The following EFCAB11 variants were observed in gnomAD, a reference collection of about 807,000 sequenced individuals.
The protein encoded by EFCAB11 is EF-hand calcium binding domain 11, also known as EF-hand calcium-binding domain-containing protein 11.
In EFCAB11, 14 loss-of-function variants were observed where a neutral mutation model predicts 23.0. The ratio of observed to expected loss-of-function variants is 0.61; its 90% confidence interval spans 0.40 to 0.95. The LOEUF (loss-of-function observed/expected upper bound fraction) is 0.95. EFCAB11 is among the 40% of genes least tolerant of loss of function. The pLI, the probability that EFCAB11 is intolerant of heterozygous loss-of-function variation, is 0.00. For synonymous variants in EFCAB11, 65 were observed against 66.6 expected (o/e 0.98, Z 0.11); for missense variants, 198 against 195.8 (o/e 1.01, Z -0.07).
intron 5 of EFCAB11, among the ~76,000 whole-genome samples, chr14:89,882,159 T>C (rs1199738684): frequency 6.6e-6 from 1 of 152,294 alleles, no homozygotes; most frequent in East Asian, 1.9e-4. Context: ...GCCTGAGTGT[T>C]GAAAAACTTC....
chr14:89,814,504 A>C (rs1428881449), intron 5 of EFCAB11, among the ~76,000 whole-genome samples: 1 of 152,170 alleles, frequency 6.6e-6, no homozygotes, highest in Non-Finnish European at 1.5e-5. Flanking sequence ...TGGGAGTTCG[A>C]GAGCAGCCTG....
At chr14:89,808,256 G>C (rs552615985) in intron 5 of EFCAB11, among the ~76,000 whole-genome samples, 11 of 152,262 alleles carry the variant, frequency 7.2e-5, no homozygotes, top group African/African-American at 2.6e-4. Context: ...ATATTTCTAA[G>C]GCCTGTATAG....
At chr14:89,799,956 C>T (rs768116260) in intron 5 of EFCAB11, among the ~76,000 whole-genome samples, 8 of 152,112 alleles carry the variant, frequency 5.3e-5, no homozygotes, top group Non-Finnish European at 8.8e-5. Flanking sequence ...GAGGCCCAGG[C>T]GGGTGGATCA....
intron 5 of EFCAB11, among the ~76,000 whole-genome samples, chr14:89,873,153 T>C (rs541307942): frequency 1.3e-5 from 2 of 152,278 alleles, no homozygotes; most frequent in Non-Finnish European, 2.9e-5. Flanking sequence ...GGAGGCCTCG[T>C]AATCATGGTG....
chr14:89,925,435 T>C (rs1333860922), intron 5 of EFCAB11, among the ~76,000 whole-genome samples: 1 of 152,198 alleles, frequency 6.6e-6, no homozygotes, highest in African/African-American at 2.4e-5. Flanking sequence ...GTTTCTTACT[T>C]AACTTTTAAT....
chr14:89,914,153 A>C (rs761088177), intron 5 of EFCAB11, among the ~76,000 whole-genome samples: 3 of 152,262 alleles, frequency 2.0e-5, no homozygotes, highest in Non-Finnish European at 4.4e-5. Context: ...CACCACATAT[A>C]GCTAACAATA....
chr14:89,923,160 T>C (rs535210912), intron 5 of EFCAB11: 1 of 152,228 alleles, frequency 6.6e-6, no homozygotes, highest in African/African-American at 2.4e-5. Context: ...TTTCTGAGTT[T>C]CAATTCCTCC....
chr14:89,891,240 C>G (rs1014115659), intron 5 of EFCAB11, among the ~76,000 whole-genome samples: 3 of 152,174 alleles, frequency 2.0e-5, no homozygotes, highest in African/African-American at 7.2e-5. Context: ...TACAGGGAAA[C>G]TAGTCACCAT....
chr14:89,837,684 C>T (rs1566778680), intron 5 of EFCAB11, among the ~76,000 whole-genome samples: 1 of 152,206 alleles, frequency 6.6e-6, no homozygotes, highest in South Asian at 2.1e-4. Context: ...GAATAAAAAA[C>T]GATAATAAAC....
chr14:89,844,551 C>T (rs112723126), intron 5 of EFCAB11, among the ~76,000 whole-genome samples: 1,570 of 152,302 alleles, frequency 0.01, 29 homozygotes, highest in African/African-American at 0.035. Flanking sequence ...GCCATCACCA[C>T]CCAGCTTAGA....
intron 5 of EFCAB11, among the ~76,000 whole-genome samples, chr14:89,813,630 A>T (rs1886224930): frequency 6.7e-6 from 1 of 149,024 alleles, no homozygotes; most frequent in African/African-American, 2.5e-5. Flanking sequence ...CCAACCGTCC[A>T]CCTCCCACCC....
chr14:89,940,526 T>C (rs1008107130), intron 3 of EFCAB11, among the ~76,000 whole-genome samples: 1 of 152,226 alleles, frequency 6.6e-6, no homozygotes, highest in South Asian at 2.1e-4. Flanking sequence ...TATTTTTCAA[T>C]TGGACCTTAC....
At chr14:89,932,683 A>G in intron 3 of EFCAB11, 56 bp from the exon 4 acceptor site, 1 of 1,360,298 alleles carries the variant, frequency 7.4e-7, no homozygotes, top group Non-Finnish European at 1.0e-6. Flanking sequence ...TCTTTAAGAA[A>G]AAATTAAACA....
intron 5 of EFCAB11, among the ~76,000 whole-genome samples, chr14:89,914,165 G>A (rs1044880823): frequency 6.6e-6 from 1 of 152,216 alleles, no homozygotes; most frequent in African/African-American, 2.4e-5. Context: ...CTAACAATAT[G>A]AGTATCTCTT....
intron 5 of EFCAB11, among the ~76,000 whole-genome samples, chr14:89,828,134 T>A (rs557346488): frequency 2.0e-4 from 31 of 152,294 alleles, no homozygotes; most frequent in African/African-American, 7.5e-4. Flanking sequence ...AATAGGTGTG[T>A]TTTTTCATTC....
chr14:89,923,111 T>C (rs1452760715), intron 5 of EFCAB11, among the ~76,000 whole-genome samples: 2 of 152,354 alleles, frequency 1.3e-5, no homozygotes, highest in South Asian at 2.1e-4. Flanking sequence ...TGAAAATCTA[T>C]GTAACAAAGT....
At chr14:89,930,403 C>T (rs1459189932) in intron 5 of EFCAB11, among the ~76,000 whole-genome samples, 4 of 152,214 alleles carry the variant, frequency 2.6e-5, no homozygotes, top group Non-Finnish European at 5.9e-5. Context: ...GTATCAGAAC[C>T]TCTATTCGTG....
intron 5 of EFCAB11, chr14:89,799,331 C>G (rs1227036965): frequency 6.6e-6 from 1 of 152,122 alleles, no homozygotes; most frequent in Non-Finnish European, 1.5e-5. Context: ...ACAAGCAGGT[C>G]TGGTCATCTC....
At chr14:89,873,063 CTA>C (rs1389697787) in intron 5 of EFCAB11, among the ~76,000 whole-genome samples, 2 of 152,122 alleles carry the variant, frequency 1.3e-5, no homozygotes, top group African/African-American at 4.8e-5. Flanking sequence ...TAGTATTAGT[CTA>C]TGTCACAGAT....
Sources: gnomAD v4.1 joint callset for allele counts (sites outside exome capture counted in the v4.1 genomes callset) on GRCh38, gnomAD v4.1.1 for gene constraint, MANE v1.5 for transcripts, NCBI Gene and HGNC (gene_info 2026-07-23, HGNC 2026-07-21) for gene names.